EYS: variants seen among roughly 807,000 people sequenced by gnomAD.
The protein encoded by EYS is EGF-like photoreceptor maintenance factor.
A neutral mutation model predicts 282.1 loss-of-function variants in EYS; 250 were observed. That is an observed-to-expected ratio of 0.89 (90% CI 0.80 to 0.98). The LOEUF is 0.98. Among genes scored for constraint, EYS ranks in the 50% least tolerant of loss-of-function variants. EYS has a pLI of 0.00. For missense variants in EYS, 4,016 were observed against 3,709.0 expected (o/e 1.08, Z -2.15); for synonymous variants, 1,355 against 1,282.9 (o/e 1.06, Z -1.20).
intron 35 of EYS, among the ~76,000 whole-genome samples, chr6:63,951,486 A>T (rs1438007524): frequency 6.6e-6 from 1 of 151,838 alleles, no homozygotes; most frequent in Non-Finnish European, 1.5e-5. Flanking sequence ...CTCAGTCTGA[A>T]CCCCAAGCAT....
intron 22 of EYS, among the ~76,000 whole-genome samples, chr6:64,712,919 A>T (rs1469827833): frequency 6.6e-6 from 1 of 152,192 alleles, no homozygotes. Flanking sequence ...CCAAAGATCA[A>T]ATTCATAAAG....
intron 35 of EYS, among the ~76,000 whole-genome samples, chr6:63,874,487 T>C (rs1562072111): frequency 2.6e-5 from 4 of 152,220 alleles, no homozygotes; most frequent in Non-Finnish European, 4.4e-5. Flanking sequence ...GGCTCTTTTT[T>C]GGTTCCATAT....
intron 14 of EYS, among the ~76,000 whole-genome samples, chr6:64,976,838 T>TG (rs1054671821): frequency 2.8e-4 from 42 of 151,964 alleles, no homozygotes; most frequent in African/African-American, 9.7e-4. Flanking sequence ...ATTTTTTTTT[T>TG]GCAAAGGGAA....
At chr6:64,757,958 T>A (rs1773011193) in intron 22 of EYS, among the ~76,000 whole-genome samples, 1 of 152,136 alleles carries the variant, frequency 6.6e-6, no homozygotes, top group Admixed American at 6.5e-5. Context: ...GTATTTTTAG[T>A]AGAGACGGGG....
intron 12 of EYS, among the ~76,000 whole-genome samples, chr6:65,090,749 A>G (rs912835801): frequency 3.9e-5 from 6 of 152,134 alleles, no homozygotes; most frequent in African/African-American, 1.2e-4. Flanking sequence ...AGATCCATTT[A>G]TTCTATTTAC....
chr6:63,935,260 G>A lies in EYS; in HGVS notation c.7055+49123C>T, dbSNP rs370658927. Among the ~76,000 whole-genome samples the A allele has an allele frequency of 2.0e-5, 3 of 152,202 alleles. No individual in the cohort carries two copies. In the South Asian group the frequency reaches 6.2e-4, roughly 31 times the overall value. ...AGCTGAGAATATAGCCTGATACATA[G>A]CATGCTCTCAGGATTCATTAGACGA... On this transcript the variant is annotated intron_variant, in intron 35 of 42. Transcript: ENST00000503581.
At chr6:64,723,856 AGC>A (rs1297786911) in intron 22 of EYS, among the ~76,000 whole-genome samples, 1 of 152,088 alleles carries the variant, frequency 6.6e-6, no homozygotes, top group African/African-American at 2.4e-5. Flanking sequence ...GAGTAGCCTC[AGC>A]AGTTTTAGCC....
At chr6:64,427,165 C>T (rs184979154) in intron 28 of EYS, among the ~76,000 whole-genome samples, 4 of 152,238 alleles carry the variant, frequency 2.6e-5, no homozygotes, top group Non-Finnish European at 2.9e-5. Flanking sequence ...ATACATCTGA[C>T]AGGATTATCT....
intron 22 of EYS, among the ~76,000 whole-genome samples, chr6:64,692,151 T>A (rs1770409786): frequency 6.6e-6 from 1 of 152,196 alleles, no homozygotes; most frequent in Admixed American, 6.5e-5. Flanking sequence ...CTCCATAGCC[T>A]CACTAGCATC....
At chr6:64,732,350 A>G (rs1772003671) in intron 22 of EYS, among the ~76,000 whole-genome samples, 1 of 152,000 alleles carries the variant, frequency 6.6e-6, no homozygotes, top group Non-Finnish European at 1.5e-5. Flanking sequence ...ACTGGATTGC[A>G]GAGAAAACTG....
chr6:64,902,841 G>C (rs938468393), intron 16 of EYS, among the ~76,000 whole-genome samples: 2 of 152,108 alleles, frequency 1.3e-5, no homozygotes, highest in Admixed American at 1.3e-4. Context: ...GAATTAATGT[G>C]ATGACCAATC....
intron 22 of EYS, among the ~76,000 whole-genome samples, chr6:64,703,781 AG>A (rs1341625424): frequency 3.3e-5 from 5 of 152,202 alleles, no homozygotes; most frequent in Non-Finnish European, 7.3e-5. Flanking sequence ...GTGAAACAAA[AG>A]CAACAATCAA....
At chr6:65,350,493 T>C (rs1279472996) in intron 9 of EYS, among the ~76,000 whole-genome samples, 1 of 151,652 alleles carries the variant, frequency 6.6e-6, no homozygotes, top group African/African-American at 2.4e-5. Flanking sequence ...AGTTCACTAG[T>C]ACATGTTAAG....
At chr6:65,241,299 T>C (rs1767052035) in intron 12 of EYS, among the ~76,000 whole-genome samples, 1 of 152,166 alleles carries the variant, frequency 6.6e-6, no homozygotes, top group Admixed American at 6.5e-5. Flanking sequence ...GTTTTCTCTT[T>C]TCTTGTCTGT....
intron 12 of EYS, among the ~76,000 whole-genome samples, chr6:65,178,716 A>G (rs559254718): frequency 2.0e-4 from 30 of 152,196 alleles, no homozygotes; most frequent in African/African-American, 7.2e-4. Flanking sequence ...CAGACATAAT[A>G]GACATCTACA....
At chr6:64,491,766 T>C (rs1447277420) in intron 26 of EYS, among the ~76,000 whole-genome samples, 1 of 151,124 alleles carries the variant, frequency 6.6e-6, no homozygotes. Context: ...CTTAAACTCT[T>C]ATAAGCTATG....
At chr6:63,974,444 T>C (rs1766736423) in intron 35 of EYS, among the ~76,000 whole-genome samples, 1 of 152,044 alleles carries the variant, frequency 6.6e-6, no homozygotes. Flanking sequence ...ATTAGCATTC[T>C]GTTAAGAAAG....
At chr6:65,387,475 A>C (rs1252792617) in intron 7 of EYS, among the ~76,000 whole-genome samples, 1 of 151,860 alleles carries the variant, frequency 6.6e-6, no homozygotes, top group Non-Finnish European at 1.5e-5. Flanking sequence ...AAAGCCCATA[A>C]ATTTAATATA....
intron 30 of EYS, among the ~76,000 whole-genome samples, chr6:64,292,903 A>G (rs1768766907): frequency 6.6e-6 from 1 of 152,114 alleles, no homozygotes; most frequent in Non-Finnish European, 1.5e-5. Context: ...CCATTTATAG[A>G]TGAGGAAACT....
Sources: gnomAD v4.1 joint callset for allele counts (sites outside exome capture counted in the v4.1 genomes callset) on GRCh38, gnomAD v4.1.1 for gene constraint, MANE v1.5 for transcripts, NCBI Gene and HGNC (gene_info 2026-07-23, HGNC 2026-07-21) for gene names.